SLC6A19: variants seen among roughly 807,000 people sequenced by gnomAD.
The protein encoded by SLC6A19 is sodium-dependent neutral amino acid transporter B(0)AT1.
In SLC6A19, 67 loss-of-function variants were observed where a neutral mutation model predicts 68.3. The observed-to-expected ratio is 0.98, with a 90% confidence interval of 0.81 to 1.20. The LOEUF (loss-of-function observed/expected upper bound fraction) is 1.20. Ranked by LOEUF, SLC6A19 falls within the 50% of genes most tolerant of loss-of-function variation. The pLI, the probability that SLC6A19 is intolerant of heterozygous loss-of-function variation, is 0.00. For synonymous variants in SLC6A19, 392 were observed against 374.9 expected (o/e 1.05, Z -0.53); for missense variants, 813 against 851.6 (o/e 0.95, Z 0.56).
intron 1 of SLC6A19, among the ~76,000 whole-genome samples, chr5:1,203,841 C>T (rs72709404): frequency 0.06 from 9,088 of 152,284 alleles, 312 homozygotes; most frequent in South Asian, 0.099. Flanking sequence ...TGCAGGCCAC[C>T]GGGTTTCCCA....
intron 3 of SLC6A19, among the ~76,000 whole-genome samples, chr5:1,211,287 C>T (rs371345750): frequency 5.3e-5 from 8 of 152,164 alleles, no homozygotes; most frequent in African/African-American, 1.9e-4. Context: ...TTCCTGCCTC[C>T]GGGGCTGTGG....
At position 1,201,716 on chromosome 5, in the gene SLC6A19, G is replaced by A; in HGVS notation, c.66G>A (p.Glu22=). 1.2e-6 allele frequency: 2 copies of A among 1,612,320 alleles called. No homozygotes were observed. The highest frequency in any genetic ancestry group is 1.7e-6 in the Non-Finnish European group (2 of 1,179,906). Residue 22 remains glutamate, a synonymous_variant, in exon 1 of 12, where the codon GAG becomes GAA. Coordinates refer to ENST00000304460, the MANE Select transcript of SLC6A19 (RefSeq NM_001003841.3). The part of the protein sequence containing the change: ...DARIPSLAEL[E]TIEQEEASSR... ...GGATCCCGTCCCTGGCTGAGCTGGA[G>A]ACCATCGAGCAGGAGGAGGCCAGCT...
intron 1 of SLC6A19, among the ~76,000 whole-genome samples, chr5:1,208,330 C>T (rs566816147): frequency 1.4e-3 from 218 of 152,140 alleles, no homozygotes; most frequent in Non-Finnish European, 2.7e-3. Flanking sequence ...AGGAGTGGCA[C>T]GCTGCTGTTG....
chr5:1,207,412 G>C (rs6554660), intron 1 of SLC6A19, among the ~76,000 whole-genome samples: 1 of 152,134 alleles, frequency 6.6e-6, no homozygotes, highest in African/African-American at 2.4e-5. Flanking sequence ...GTTCATGGGC[G>C]CGGCCAGGCC....
intron 8 of SLC6A19, among the ~76,000 whole-genome samples, chr5:1,217,519 G>C (rs985659847): frequency 6.6e-6 from 1 of 152,178 alleles, no homozygotes. Flanking sequence ...CATATTTTGC[G>C]GGCATGAGGC....
Position 1,223,425 on chromosome 5 carries a change from G to A in SLC6A19, c.*1521G>A, listed in dbSNP as rs1349343464. On this transcript the variant is annotated 3_prime_UTR_variant, in exon 12 of 12. Coordinates refer to ENST00000304460, the MANE Select transcript of SLC6A19 (RefSeq NM_001003841.3). ...ACCTTGGAGGACCGTGCAGCCCCCA[G>A]AAGCTTCCAGCTCCCGCACCACTCA... 1 of 152,368 alleles carries A rather than the reference G, an allele frequency of 6.6e-6. No homozygotes were observed. Among genetic ancestry groups the A allele is most frequent in the Non-Finnish European group, 1.5e-5 (1 of 68,118 alleles). 9.4% of individuals were successfully genotyped at this position (152,368 alleles called of 1,614,324 possible). A position where few individuals can be genotyped will look rare whatever the true frequency, so the allele number is the denominator to read the frequency against.
rs1745991001 is a variant in SLC6A19 at position 1,210,392 on chromosome 5, G to A, written c.344-52G>A. Reference sequence around the variant, plus strand: ...CTCCTGCTCAGAGTGGGGATGGGTGGCCAGTGGAGGGTGTGCCTCGGCCCC... The same window carrying A: ...CTCCTGCTCAGAGTGGGGATGGGTGACCAGTGGAGGGTGTGCCTCGGCCCC... On this transcript the variant is annotated intron_variant, in intron 2 of 11. Transcript: ENST00000304460. 2.5e-6 allele frequency: 4 copies of A among 1,606,670 alleles called. No homozygotes were observed. In the Admixed American group the frequency reaches 6.7e-5, roughly 27 times the overall value.
At chr5:1,211,033 G>C (rs1039107167) in intron 3 of SLC6A19, among the ~76,000 whole-genome samples, 1 of 152,212 alleles carries the variant, frequency 6.6e-6, no homozygotes, top group Admixed American at 6.5e-5. Context: ...CAGGGAGGGA[G>C]CGTAGGGGGC....
At position 1,222,141 on chromosome 5, in the gene SLC6A19, G is replaced by T; in HGVS notation, c.*237G>T. 6.6e-6 allele frequency: 4 copies of T among 604,454 alleles called. No homozygotes were observed. Among genetic ancestry groups the T allele is most frequent in the Non-Finnish European group, 1.2e-5 (4 of 339,536 alleles). The allele number at this position is 604,454 out of a possible 1,614,324, so 37.4% of individuals were successfully genotyped here. On this transcript the variant is annotated 3_prime_UTR_variant, in exon 12 of 12. Transcript: ENST00000304460. ...TATGCACACATATACATGTGTGTGG[G>T]TGTGTGTATTGTATGTGCATGTGCC... is the stretch of plus-strand genomic sequence containing the variant.
At chr5:1,204,485 C>T (rs1293841097) in intron 1 of SLC6A19, among the ~76,000 whole-genome samples, 1 of 152,208 alleles carries the variant, frequency 6.6e-6, no homozygotes, top group East Asian at 1.9e-4. Context: ...GCGTGGTCAG[C>T]CAGGGCTCAC....
chr5:1,218,016 C>CGCCTCCTCCT (rs1194581767), intron 8 of SLC6A19, among the ~76,000 whole-genome samples: 3 of 151,904 alleles, frequency 2.0e-5, no homozygotes, highest in East Asian at 1.9e-4. Flanking sequence ...CGCCTCCTCC[C>CGCCTCCTCCT]GCCACCTCCC....
chr5:1,211,487 C>T (rs185669561), intron 3 of SLC6A19, among the ~76,000 whole-genome samples: 2 of 152,348 alleles, frequency 1.3e-5, no homozygotes, highest in Non-Finnish European at 2.9e-5. Flanking sequence ...GCCCAGGGTG[C>T]ACCTGACTGT....
intron 1 of SLC6A19, among the ~76,000 whole-genome samples, chr5:1,207,383 G>A (rs937444607): frequency 4.1e-5 from 6 of 147,054 alleles, no homozygotes; most frequent in African/African-American, 1.3e-4. Flanking sequence ...AGGGCAGCCC[G>A]CTTGGCCGGG....
At position 1,208,755 on chromosome 5, in the gene SLC6A19, T is replaced by A. The variant is rs893928604; in HGVS notation, c.212T>A (p.Met71Lys). ...LCQSHGGGAF[M>K]IPFLILLVLE... ...ACTCCTCCCATTGCAGGAGCCTTCATGATCCCGTTCCTCATCCTGCTGGTC... is the reference window on the plus strand; with the variant it reads ...ACTCCTCCCATTGCAGGAGCCTTCAAGATCCCGTTCCTCATCCTGCTGGTC... The change falls in exon 2 of 12, where the codon ATG becomes AAG. Residue 71 changes from methionine to lysine, a missense_variant. Met to Lys is a moderately conservative substitution (Grantham distance 95, BLOSUM62 -1). Transcript: ENST00000304460. 6.2e-7 allele frequency: 1 copy of A among 1,613,438 alleles called. No individual in the cohort carries two copies. The highest frequency in any genetic ancestry group is 8.5e-7 in the Non-Finnish European group (1 of 1,179,986).
At chr5:1,211,403 G>A (rs111870883) in intron 3 of SLC6A19, among the ~76,000 whole-genome samples, 24 of 152,364 alleles carry the variant, frequency 1.6e-4, no homozygotes, top group African/African-American at 5.5e-4. Flanking sequence ...GCAGTTGCAG[G>A]CAAGGGCCCC....
At chr5:1,206,844 C>G (rs979879164) in intron 1 of SLC6A19, among the ~76,000 whole-genome samples, 2 of 152,202 alleles carry the variant, frequency 1.3e-5, no homozygotes, top group African/African-American at 4.8e-5. Context: ...CCCCAGGAGA[C>G]AGGACCCATG....
chr5:1,201,749 GA>G lies in SLC6A19; in HGVS notation c.101del (p.Lys34SerfsTer38). 6.2e-7 allele frequency: 1 copy of G among 1,612,756 alleles called. No homozygotes were observed. The highest frequency in any genetic ancestry group is 1.7e-5 in the Admixed American group (1 of 60,020). ...AGCAGGAGGAGGCCAGCTCCCGGCCGAAGTGGGACAACAAGGCGCAGTACAT... is the reference window on the plus strand; with the variant it reads ...AGCAGGAGGAGGCCAGCTCCCGGCCGAGTGGGACAACAAGGCGCAGTACAT... Reference protein sequence around the residue: ...IEQEEASSRPKWDNKAQYMLT... With the variant: ...IEQEEASSRPXWDNKAQYMLT... On this transcript the variant is annotated frameshift_variant, in exon 1 of 12. Transcript: ENST00000304460. LOFTEE classifies it high-confidence loss of function.
intron 8 of SLC6A19, among the ~76,000 whole-genome samples, chr5:1,217,281 A>G (rs1160294538): frequency 1.3e-5 from 2 of 152,250 alleles, no homozygotes; most frequent in African/African-American, 2.4e-5. Flanking sequence ...GGTGACTTCT[A>G]TCGACATTGA....
chr5:1,216,490 GC>G, intron 6 of SLC6A19, 67 bp from the exon 7 acceptor site: 1 of 1,609,706 alleles, frequency 6.2e-7, no homozygotes, highest in South Asian at 1.1e-5. Flanking sequence ...GGATGCGGAT[GC>G]TGCCCTGGGC....
Sources: allele counts gnomAD v4.1 joint callset (sites outside exome capture counted in the v4.1 genomes callset), GRCh38; gene constraint gnomAD v4.1.1; transcripts MANE v1.5; gene names NCBI Gene and HGNC (gene_info 2026-07-23, HGNC 2026-07-21).